Variants in PHF24 observed in about 807,000 individuals in gnomAD.
The protein encoded by PHF24 is Galpha inhibitory interacting protein.
In PHF24, 25 loss-of-function variants were observed where a neutral mutation model predicts 42.6. The observed-to-expected ratio is 0.59, with a 90% confidence interval of 0.43 to 0.82. The LOEUF is 0.82. Among genes scored for constraint, PHF24 ranks in the 40% least tolerant of loss-of-function variants. The pLI, the probability that PHF24 is intolerant of heterozygous loss-of-function variation, is 0.00. For missense variants in PHF24, 470 were observed against 538.1 expected (o/e 0.87, Z 1.25); for synonymous variants, 185 against 204.8 (o/e 0.90, Z 0.83).
chr9:34,791,697 G>A, the PHF24 span, among the ~76,000 whole-genome samples: 1 of 152,166 alleles, frequency 6.6e-6, no homozygotes, highest in Non-Finnish European at 1.5e-5. Flanking sequence ...GGATAATATG[G>A]TGCCTCAGAA....
chr9:34,680,388 AT>A, the PHF24 span, among the ~76,000 whole-genome samples: 6 of 151,220 alleles, frequency 4.0e-5, no homozygotes, highest in African/African-American at 1.5e-4. Flanking sequence ...AAATAAAAAA[AT>A]AAAAAATAAA....
the PHF24 span, among the ~76,000 whole-genome samples, chr9:34,755,362 G>A: frequency 0.2 from 29,926 of 151,822 alleles, 3,790 homozygotes; most frequent in Non-Finnish European, 0.29. Flanking sequence ...AATAAAAAAT[G>A]AAGAATTCCC....
chr9:34,916,304 T>A, the PHF24 span, among the ~76,000 whole-genome samples: 1 of 152,232 alleles, frequency 6.6e-6, no homozygotes, highest in South Asian at 2.1e-4. Context: ...ACCTGTCAAC[T>A]ACAGGAGTCT....
chr9:34,835,990 T>C, the PHF24 span: 1 of 693,800 alleles, frequency 1.4e-6, no homozygotes. Context: ...ATTGCAAATT[T>C]GGCAACAGGG....
the PHF24 span, chr9:34,729,549 C>T: frequency 1.0e-6 from 1 of 999,638 alleles, no homozygotes; most frequent in South Asian, 2.1e-5. Context: ...GGAACTAGGC[C>T]ACCAGACTGC....
the PHF24 span, among the ~76,000 whole-genome samples, chr9:34,797,552 C>T: frequency 6.6e-6 from 1 of 152,188 alleles, no homozygotes; most frequent in Non-Finnish European, 1.5e-5. Context: ...CCAGGCCAAA[C>T]TCTGCCTTAT....
At chr9:34,819,178 CT>C in the PHF24 span, among the ~76,000 whole-genome samples, 1 of 152,040 alleles carries the variant, frequency 6.6e-6, no homozygotes, top group Non-Finnish European at 1.5e-5. Flanking sequence ...TGTCTTCTCT[CT>C]TTTTTACTGG....
the PHF24 span, among the ~76,000 whole-genome samples, chr9:34,849,582 G>T: frequency 6.6e-6 from 1 of 152,034 alleles, no homozygotes; most frequent in Non-Finnish European, 1.5e-5. Flanking sequence ...CTTTTAATTG[G>T]AGCATTTAGT....
At chr9:34,929,331 G>C in the PHF24 span, among the ~76,000 whole-genome samples, 5 of 152,124 alleles carry the variant, frequency 3.3e-5, no homozygotes, top group Admixed American at 6.5e-5. Context: ...ATTTGGGTTA[G>C]GGTGTCTGTG....
chr9:34,726,744 A>C, the PHF24 span: 6 of 1,551,728 alleles, frequency 3.9e-6, no homozygotes, highest in Admixed American at 3.9e-5. Flanking sequence ...GTTACAGATG[A>C]CAGTGAAAGC....
At chr9:34,851,150 A>C in the PHF24 span, among the ~76,000 whole-genome samples, 3 of 152,034 alleles carry the variant, frequency 2.0e-5, no homozygotes, top group Non-Finnish European at 4.4e-5. Context: ...AAGGACATTT[A>C]AGTCTGCAGA....
At chr9:34,740,586 T>G in the PHF24 span, among the ~76,000 whole-genome samples, 1 of 152,126 alleles carries the variant, frequency 6.6e-6, no homozygotes, top group African/African-American at 2.4e-5. Flanking sequence ...CGCAAGCACC[T>G]CGCGCAGCCC....
the PHF24 span, among the ~76,000 whole-genome samples, chr9:34,764,598 TATTA>T: frequency 6.6e-6 from 1 of 152,180 alleles, no homozygotes; most frequent in Admixed American, 6.5e-5. Flanking sequence ...TTTTCTTCTT[TATTA>T]GTCTTGCTAG....
chr9:34,688,881 T>C, the PHF24 span, among the ~76,000 whole-genome samples: 1 of 152,140 alleles, frequency 6.6e-6, no homozygotes, highest in Non-Finnish European at 1.5e-5. Context: ...GAACCCAAAA[T>C]AGATGTGATC....
chr9:34,741,791 G>A, the PHF24 span, among the ~76,000 whole-genome samples: 1 of 152,082 alleles, frequency 6.6e-6, no homozygotes, highest in East Asian at 1.9e-4. Context: ...TTCGTTGACT[G>A]TCCTTGTGAA....
the PHF24 span, among the ~76,000 whole-genome samples, chr9:34,707,911 T>C: frequency 6.6e-6 from 1 of 152,168 alleles, no homozygotes; most frequent in South Asian, 2.1e-4. Flanking sequence ...TTTGTATTTT[T>C]AGTAGAGACG....
At position 34,961,363 on chromosome 9, in the gene PHF24, C is replaced by G. The variant is rs193273183; in HGVS notation, c.-5+2962C>G. 7.4e-4 allele frequency among the ~76,000 whole-genome samples: 113 copies of G among 152,296 alleles called. 1 individual carries two copies. The highest frequency in any genetic ancestry group is 1.9e-3 in the South Asian group (9 of 4,816). ...CAGCTTTGGACCAAGAAACCAAGAC[C>G]ATCAGTGTCCAGCTGAAGACATGAT... On this transcript the variant is annotated intron_variant, in intron 1 of 7. Transcript: ENST00000242315.
the PHF24 span, among the ~76,000 whole-genome samples, chr9:34,817,284 TC>T: frequency 6.6e-6 from 1 of 152,264 alleles, no homozygotes; most frequent in South Asian, 2.1e-4. Context: ...TTACTTTGTT[TC>T]CCAGGCTGGA....
At chr9:34,762,375 T>G in the PHF24 span, among the ~76,000 whole-genome samples, 1 of 151,140 alleles carries the variant, frequency 6.6e-6, no homozygotes, top group Non-Finnish European at 1.5e-5. Flanking sequence ...CCTGACTTTT[T>G]AATGATTGCC....
Sources: gnomAD v4.1 joint callset for allele counts (sites outside exome capture counted in the v4.1 genomes callset) on GRCh38, gnomAD v4.1.1 for gene constraint, MANE v1.5 for transcripts, NCBI Gene and HGNC (gene_info 2026-07-23, HGNC 2026-07-21) for gene names.